The following RASEF variants were observed in gnomAD, a reference collection of about 807,000 sequenced individuals.
RASEF encodes RAS and EF-hand domain containing.
Under a neutral mutation model 90.1 loss-of-function variants are expected in RASEF, and 68 were observed. The observed-to-expected ratio is 0.75, with a 90% CI of 0.62 to 0.92. The LOEUF is 0.92. RASEF is among the 40% of genes least tolerant of loss of function. The pLI is 0.00. For synonymous variants in RASEF, 331 were observed against 345.2 expected (o/e 0.96, Z 0.46); for missense variants, 949 against 937.2 (o/e 1.01, Z -0.16).
chr9:82,982,839 C>A, intron 16 of RASEF, 57 bp from the exon 17 acceptor site: 2 of 1,012,858 alleles, frequency 2.0e-6, no homozygotes. Context: ...GAGAGGATTA[C>A]TGAGGTATAA....
At chr9:83,055,587 T>A in intron 1 of RASEF, 2 of 711,690 alleles carry the variant, frequency 2.8e-6, no homozygotes, top group Non-Finnish European at 5.2e-6. Context: ...TTGTCCAAAG[T>A]GTTTCTCTGC....
the RASEF span, among the ~76,000 whole-genome samples, chr9:83,194,689 C>A: frequency 6.6e-6 from 1 of 152,246 alleles, no homozygotes; most frequent in Admixed American, 6.5e-5. Context: ...ATCTCTTCTC[C>A]CCCGTTTATT....
chr9:83,140,354 C>G, the RASEF span, among the ~76,000 whole-genome samples: 1 of 152,164 alleles, frequency 6.6e-6, no homozygotes. Context: ...AGCAAGACCT[C>G]TAATGCTGAT....
the RASEF span, among the ~76,000 whole-genome samples, chr9:83,120,646 A>T: frequency 6.6e-6 from 1 of 152,310 alleles, no homozygotes; most frequent in Middle Eastern, 3.4e-3. Flanking sequence ...AATTTTCCTT[A>T]CTAGAGGAAG....
At chr9:83,127,938 G>A in the RASEF span, among the ~76,000 whole-genome samples, 1 of 151,318 alleles carries the variant, frequency 6.6e-6, no homozygotes, top group East Asian at 1.9e-4. Flanking sequence ...GATGATATTT[G>A]TTCCTATTCT....
At chr9:83,009,582 G>A in intron 6 of RASEF, 59 bp downstream of exon 6, 2 of 944,766 alleles carry the variant, frequency 2.1e-6, no homozygotes, top group Non-Finnish European at 3.3e-6. Flanking sequence ...AGCTTCTTTT[G>A]CCTGGATGAT....
At chr9:83,159,320 A>G in the RASEF span, among the ~76,000 whole-genome samples, 2 of 152,212 alleles carry the variant, frequency 1.3e-5, no homozygotes, top group African/African-American at 2.4e-5. Flanking sequence ...AATGTTCTAC[A>G]TGGACACTGA....
intron 16 of RASEF, among the ~76,000 whole-genome samples, chr9:82,988,827 C>G (rs1564068408): frequency 6.6e-6 from 1 of 152,176 alleles, no homozygotes; most frequent in Non-Finnish European, 1.5e-5. Context: ...AACCTATTTT[C>G]TTTATAAATT....
At chr9:83,089,569 C>T in the RASEF span, among the ~76,000 whole-genome samples, 1 of 152,116 alleles carries the variant, frequency 6.6e-6, no homozygotes, top group Non-Finnish European at 1.5e-5. Context: ...GTCTGTCGAT[C>T]TTTTTCTATC....
In RASEF at chr9:82,979,853, AC is replaced by A. The variant is rs1828566090; in HGVS notation, c.*2823del. The A allele has an allele frequency of 6.6e-6, 1 of 152,154 alleles. No individual in the cohort carries two copies. The highest frequency in any genetic ancestry group is 2.1e-4 in the South Asian group (1 of 4,820). The allele number at this position is 152,154 out of a possible 1,614,324, so 9.4% of individuals were successfully genotyped here. A position where few individuals can be genotyped will look rare whatever the true frequency, so the allele number is the denominator to read the frequency against. Reference sequence around the variant, plus strand: ...ACACACACAATAAATGCCCACAAAAACCATCACTGAAGCCGATCACTGTACA... The same window carrying A: ...ACACACACAATAAATGCCCACAAAAACATCACTGAAGCCGATCACTGTACA... On this transcript the variant is annotated 3_prime_UTR_variant, in exon 17 of 17. Coordinates refer to ENST00000376447, the MANE Select transcript of RASEF (RefSeq NM_152573.4).
chr9:82,992,952 T>G lies in RASEF; in HGVS notation c.1994A>C (p.Glu665Ala), dbSNP rs1053162513. The G allele has an allele frequency of 7.4e-6, 12 of 1,613,742 alleles. No individual in the cohort carries two copies. Among genetic ancestry groups the G allele is most frequent in the African/African-American group, 1.3e-5 (1 of 74,860 alleles). ...KADIRDTAAT[E>A]GQKCVPGHFG... Reference sequence around the variant, plus strand: ...GTGCCCTGGGACACATTTTTGTCCCTCTGTAGCAGCAGTGTCACGAATGTC... The same window carrying G: ...GTGCCCTGGGACACATTTTTGTCCCGCTGTAGCAGCAGTGTCACGAATGTC... Residue 665 changes from glutamate (E) to alanine (A), a missense_variant, in exon 15 of 17, where the codon GAG (glutamate) becomes GCG (alanine). Glu to Ala is a moderately radical substitution (Grantham distance 107). Around this residue, in one of 3 missense-constraint regions of RASEF, gnomAD observed 288 missense variants for 328.4 expected, o/e 0.88. Coordinates refer to ENST00000376447, the MANE Select transcript of RASEF (RefSeq NM_152573.4).
At chr9:83,144,347 G>C in the RASEF span, among the ~76,000 whole-genome samples, 1 of 65,202 alleles carries the variant, frequency 1.5e-5, no homozygotes, top group Non-Finnish European at 2.9e-5. Context: ...AAGAAAGAAA[G>C]AAAGAAAGAA....
At chr9:83,145,620 A>G in the RASEF span, among the ~76,000 whole-genome samples, 1 of 152,112 alleles carries the variant, frequency 6.6e-6, no homozygotes, top group Non-Finnish European at 1.5e-5. Flanking sequence ...TAATAGTTCC[A>G]AGGAAGATTG....
chr9:83,061,241 C>T (rs1756993102), intron 1 of RASEF, among the ~76,000 whole-genome samples: 1 of 152,168 alleles, frequency 6.6e-6, no homozygotes, highest in Non-Finnish European at 1.5e-5. Flanking sequence ...TCTACACAAC[C>T]CTTCTATGGC....
chr9:82,990,738 AACACAT>A (rs1828798349), intron 15 of RASEF, among the ~76,000 whole-genome samples: 1 of 152,218 alleles, frequency 6.6e-6, no homozygotes, highest in Non-Finnish European at 1.5e-5. Context: ...CAACAGTCAA[AACACAT>A]GCTACCAAAT....
chr9:83,113,706 TA>T, the RASEF span, among the ~76,000 whole-genome samples: 1 of 152,162 alleles, frequency 6.6e-6, no homozygotes, highest in Non-Finnish European at 1.5e-5. Context: ...TCTCCTGCAG[TA>T]GCCTCAGGCT....
At chr9:83,174,092 C>T in the RASEF span, among the ~76,000 whole-genome samples, 1 of 151,584 alleles carries the variant, frequency 6.6e-6, no homozygotes, top group African/African-American at 2.4e-5. Context: ...TATTTTCTGT[C>T]ATTCAGTAGA....
intron 1 of RASEF, chr9:83,055,627 A>AGT (rs1830089186): frequency 1.4e-6 from 1 of 718,006 alleles, no homozygotes; most frequent in Non-Finnish European, 2.6e-6. Flanking sequence ...CAATGCACAC[A>AGT]GTGTTATGAG....
At chr9:82,982,930 G>A in intron 16 of RASEF, 148 bp from the exon 17 acceptor site, 1 of 602,766 alleles carries the variant, frequency 1.7e-6, no homozygotes. Flanking sequence ...TTGTTTTAAT[G>A]CTTTATAGGT....
Sources: gnomAD v4.1 joint callset for allele counts (sites outside exome capture counted in the v4.1 genomes callset) on GRCh38, gnomAD v4.1.1 for gene constraint, gnomAD v4.1.1 regional missense constraint, MANE v1.5 for transcripts, NCBI Gene and HGNC (gene_info 2026-07-23, HGNC 2026-07-21) for gene names.